The following SSR2 variants were observed in gnomAD, a reference collection of about 807,000 sequenced individuals.
The protein encoded by SSR2 is signal sequence receptor subunit 2.
SSR2 carries 16 observed loss-of-function variants against 22.6 expected under a neutral mutation model. That is an observed-to-expected ratio of 0.71 (90% CI 0.48 to 1.08). The LOEUF is 1.08. Among genes scored for constraint, SSR2 ranks in the 50% least tolerant of loss-of-function variants. The pLI is 0.00. For synonymous variants in SSR2, 83 were observed against 91.2 expected, an observed-to-expected ratio of 0.91 and a Z score of 0.51; for missense variants, 171 against 221.6, an observed-to-expected ratio of 0.77 and a Z score of 1.45.
chr1:156,011,315 A>C (rs942258182), intron 5 of SSR2: 2 of 152,758 alleles, frequency 1.3e-5, no homozygotes, highest in Admixed American at 6.5e-5. Context: ...TCTTTAATGG[A>C]AGGGACTGTG....
Position 156,020,124 on chromosome 1 carries a change from G to A in SSR2, c.44C>T (p.Thr15Ile). The change falls in exon 2 of 6, where the codon ACT becomes ATT. Residue 15 changes from threonine to isoleucine, a missense_variant. Thr to Ile is a moderately conservative substitution (Grantham distance 89). Transcript: ENST00000295702. ...AAGCCTGGCTCCTTCCTCTGCTTGA[G>A]TGACAGCAAATAGAGCCAACACCAC... ...SFVVLALFAV[T>I]QAEEGARLLA... 6.2e-7 allele frequency: 1 copy of A among 1,614,156 alleles called. No homozygotes were observed. The highest frequency in any genetic ancestry group is 8.5e-7 in the Non-Finnish European group (1 of 1,180,024).
intron 4 of SSR2, 75 bp downstream of exon 4, chr1:156,014,884 CCT>C (rs1683028561): frequency 8.4e-7 from 1 of 1,191,532 alleles, no homozygotes; most frequent in African/African-American, 1.5e-5. Flanking sequence ...TCTTCATCCC[CCT>C]CTTACCCCCA....
intron 1 of SSR2, chr1:156,020,434 A>G (rs1683131025): frequency 5.1e-6 from 2 of 394,418 alleles, no homozygotes; most frequent in South Asian, 4.6e-5. Context: ...CGGCTGGTGG[A>G]GTCTTCTGAG....
rs533612184 is a variant in SSR2 at position 156,017,386 on chromosome 1, G to A, written c.254+884C>T. 3.3e-5 allele frequency among the ~76,000 whole-genome samples: 5 copies of A among 152,242 alleles called. No individual in the cohort carries two copies. The South Asian group carries it at 1.0e-3, about 32-fold the overall frequency. On this transcript the variant is annotated intron_variant, in intron 3 of 5. Transcript: ENST00000295702. ...TTTATTTTTGAGACAGAGTCTTGCT[G>A]TCGCCCAGGCTAGAGTGCAGTGGCG...
chr1:156,010,310 A>C (rs1280662635), intron 5 of SSR2: 1 of 147,224 alleles, frequency 6.8e-6, no homozygotes, highest in Admixed American at 6.8e-5. Flanking sequence ...TCCTGCCTTG[A>C]CCTCCCAAAG....
rs1404546441 is a variant in SSR2, at chr1:156,018,024, C to T, written c.254+246G>A. Reference sequence around the variant, plus strand: ...CGGCCTCCCAAAAATGCTGGGATTACAGGCATGAGCCACCGTGCCCAGCTT... The same window carrying T: ...CGGCCTCCCAAAAATGCTGGGATTATAGGCATGAGCCACCGTGCCCAGCTT... On this transcript the variant is annotated intron_variant, in intron 3 of 5. Coordinates refer to ENST00000295702, the MANE Select transcript of SSR2 (RefSeq NM_003145.4). The T allele has an allele frequency of 2.0e-5, 6 of 305,066 alleles. 1 individual carries two copies. The highest frequency in any genetic ancestry group is 3.8e-5 in the Non-Finnish European group (6 of 159,412). The allele number at this position is 305,066 out of a possible 1,614,324, so 18.9% of individuals were successfully genotyped here.
chr1:156,009,803 T>G (rs1682954756), intron 5 of SSR2, among the ~76,000 whole-genome samples, 153 bp from the exon 6 acceptor site: 1 of 152,170 alleles, frequency 6.6e-6, no homozygotes, highest in South Asian at 2.1e-4. Context: ...AGACGGAGTC[T>G]CGCCCTGTCA....
chr1:156,014,900 C>A, intron 4 of SSR2, 61 bp downstream of exon 4: 1 of 1,376,384 alleles, frequency 7.3e-7, no homozygotes. Context: ...ACCCCCACCA[C>A]AAGAGATTTT....
Position 156,009,552 on chromosome 1 carries a change from C to T in SSR2, c.540G>A (p.Thr180=), listed in dbSNP as rs769733555. The change falls in exon 6 of 6, where the codon ACG becomes ACA. Residue 180 remains threonine, a synonymous_variant. Coordinates refer to ENST00000295702, the MANE Select transcript of SSR2 (RefSeq NM_003145.4). ...GTGGAAGCCCCAATCAGTTCTTCTTCGTTTTGGGAGTGTCATATTTCCTCT... is the reference window on the plus strand; with the variant it reads ...GTGGAAGCCCCAATCAGTTCTTCTTTGTTTTGGGAGTGTCATATTTCCTCT... ...SSKRKYDTPK[T]KKN The T allele has an allele frequency of 9.9e-6, 16 of 1,612,504 alleles. No homozygotes were observed. The highest frequency in any genetic ancestry group is 6.7e-5 in the African/African-American group (5 of 74,888).
intron 4 of SSR2, 165 bp from the exon 5 acceptor site, chr1:156,012,052 G>A (rs1682984984): frequency 3.5e-6 from 2 of 565,270 alleles, no homozygotes; most frequent in Non-Finnish European, 6.4e-6. Flanking sequence ...CTTTTGGCTA[G>A]AGAGAGTTGG....
chr1:156,017,405 A>C (rs997463239), intron 3 of SSR2, among the ~76,000 whole-genome samples: 1 of 152,188 alleles, frequency 6.6e-6, no homozygotes. Flanking sequence ...GCTAGAGTGC[A>C]GTGGCGCGAT....
chr1:156,011,120 T>A (rs1257194294), intron 5 of SSR2: 2 of 152,114 alleles, frequency 1.3e-5, no homozygotes, highest in Non-Finnish European at 2.9e-5. Flanking sequence ...GAGTCCTCTA[T>A]GAGCTCGTAA....
chr1:156,011,173 G>C (rs1442233421), intron 5 of SSR2: 1 of 151,968 alleles, frequency 6.6e-6, no homozygotes, highest in Non-Finnish European at 1.5e-5. Flanking sequence ...GTGTCACCCA[G>C]GCTAGAGTGC....
At chr1:156,009,705 G>A (rs1682953186) in intron 5 of SSR2, 55 bp from the exon 6 acceptor site, 2 of 1,263,076 alleles carry the variant, frequency 1.6e-6, no homozygotes, top group South Asian at 1.4e-5. Flanking sequence ...CACAGGAGAA[G>A]CCAGGGAAAA....
chr1:156,018,130 A>C, intron 3 of SSR2, 140 bp downstream of exon 3: 1 of 624,326 alleles, frequency 1.6e-6, no homozygotes, highest in Non-Finnish European at 2.9e-6. Flanking sequence ...ATTTACACCA[A>C]CCTCTCTTGC....
intron 3 of SSR2, 70 bp downstream of exon 3, chr1:156,018,200 A>AC: frequency 8.6e-7 from 1 of 1,159,542 alleles, no homozygotes; most frequent in Non-Finnish European, 1.3e-6. Flanking sequence ...TATTTGAAGT[A>AC]CCCCTGCTGC....
At chr1:156,014,838 G>T in intron 4 of SSR2, 123 bp downstream of exon 4, 1 of 806,608 alleles carries the variant, frequency 1.2e-6, no homozygotes, top group African/African-American at 1.7e-5. Flanking sequence ...ACTGCGCCCA[G>T]TCCTAACTGT....
Position 156,015,003 on chromosome 1 carries a change from C to T in SSR2, c.321G>A (p.Ser107=), listed in dbSNP as rs147534507. 12 of 1,613,748 alleles carry T rather than the reference C, an allele frequency of 7.4e-6. No homozygotes were observed. Among genetic ancestry groups the T allele is most frequent in the African/African-American group, 4.0e-5 (3 of 74,852 alleles). The part of the protein sequence containing the change: ...PLKAGYFNFT[S]ATITYLAQED... ...CCTGGGCCAGGTAAGTAATTGTTGC[C>T]GAGGTGAAGTTGAAATAACCAGCCT... The change falls in exon 4 of 6, where the codon TCG becomes TCA. Residue 107 remains serine (S), a synonymous_variant. Coordinates refer to ENST00000295702, the MANE Select transcript of SSR2 (RefSeq NM_003145.4).
intron 2 of SSR2, among the ~76,000 whole-genome samples, chr1:156,018,676 T>G (rs895510706): frequency 6.7e-6 from 1 of 149,492 alleles, no homozygotes; most frequent in Middle Eastern, 3.5e-3. Context: ...ACCACTATAC[T>G]CCAGCCTGGG....
Sources: gnomAD v4.1 joint callset for allele counts (sites outside exome capture counted in the v4.1 genomes callset) on GRCh38, gnomAD v4.1.1 for gene constraint, MANE v1.5 for transcripts, NCBI Gene and HGNC (gene_info 2026-07-23, HGNC 2026-07-21) for gene names.